HIVEP3: variants seen among roughly 807,000 people sequenced by gnomAD.
HIVEP3 encodes transcription factor HIVEP3.
HIVEP3 carries 49 observed loss-of-function variants against 152.8 expected under a neutral mutation model. The observed-to-expected ratio is 0.32, with a 90% CI of 0.26 to 0.41. HIVEP3 has a LOEUF of 0.41. Ranked by LOEUF, HIVEP3 falls within the 10% of genes least tolerant of loss-of-function variation. The pLI is 1.00. For synonymous variants in HIVEP3, 1,269 were observed against 1,289.0 expected (o/e 0.98, Z 0.33); for missense variants, 2,790 against 3,103.3 (o/e 0.90, Z 2.40).
chr1:41,941,584 G>A (rs1645046390), intron 1 of HIVEP3, among the ~76,000 whole-genome samples: 1 of 152,164 alleles, frequency 6.6e-6, no homozygotes. Context: ...GAGGGTAAGT[G>A]AAATTTGCAG....
At chr1:41,713,071 G>A (rs1188345640) in intron 1 of HIVEP3, among the ~76,000 whole-genome samples, 1 of 152,136 alleles carries the variant, frequency 6.6e-6, no homozygotes, top group Non-Finnish European at 1.5e-5. Flanking sequence ...CTGGATGCTG[G>A]GCCATTCTCA....
chr1:41,712,763 T>C (rs895385725), intron 1 of HIVEP3, among the ~76,000 whole-genome samples: 1 of 152,146 alleles, frequency 6.6e-6, no homozygotes, highest in Admixed American at 6.5e-5. Flanking sequence ...CCTCCCTTCA[T>C]AGACACCGTT....
Position 41,511,185 on chromosome 1 carries a change from C to G in HIVEP3, c.6487G>C (p.Asp2163His). Residue 2163 changes from aspartate to histidine, a missense_variant, in exon 9 of 9, where the codon GAC becomes CAC. Coordinates refer to ENST00000372583, the MANE Select transcript of HIVEP3 (RefSeq NM_024503.5). This position sits in a 1 kb window ranked among gnomAD's most constrained non-coding sequence, Gnocchi z 4.9. ...LSSRPFSALH[D>H]FHGHILARTE... ...CGGGCCAGGATGTGGCCGTGGAAGT[C>G]ATGGAGGGCGGAGAAGGGTCGGGAG... The G allele has an allele frequency of 6.2e-7, 1 of 1,614,116 alleles. No homozygotes were observed. The highest frequency in any genetic ancestry group is 8.5e-7 in the Non-Finnish European group (1 of 1,180,028).
intron 1 of HIVEP3, among the ~76,000 whole-genome samples, chr1:41,721,411 G>T (rs1646672583): frequency 6.6e-6 from 1 of 151,948 alleles, no homozygotes; most frequent in Non-Finnish European, 1.5e-5. Flanking sequence ...TCATCATATT[G>T]GTCAGGCTGG....
intron 3 of HIVEP3, among the ~76,000 whole-genome samples, chr1:41,623,586 C>A (rs986694266): frequency 2.6e-5 from 4 of 152,196 alleles, no homozygotes; most frequent in Non-Finnish European, 5.9e-5. Context: ...CCAGGCCTGG[C>A]TCTCTTCCTT....
intron 1 of HIVEP3, among the ~76,000 whole-genome samples, chr1:41,763,002 T>G (rs1647792399): frequency 6.6e-6 from 1 of 152,084 alleles, no homozygotes; most frequent in Non-Finnish European, 1.5e-5. Flanking sequence ...CCTGCCAAGG[T>G]GACTGGGGAA....
At chr1:41,569,078 T>G (rs1464227608) in intron 5 of HIVEP3, among the ~76,000 whole-genome samples, 1 of 152,190 alleles carries the variant, frequency 6.6e-6, no homozygotes, top group Non-Finnish European at 1.5e-5. Context: ...CCTCCTGCCA[T>G]GATTGAAAGT....
chr1:41,849,017 C>G (rs1643520589), intron 1 of HIVEP3: 1 of 152,252 alleles, frequency 6.6e-6, no homozygotes, highest in Non-Finnish European at 1.5e-5. Flanking sequence ...TCCCATTCTT[C>G]AGGACGTTTG....
At chr1:41,522,259 A>G (rs1441264004) in intron 6 of HIVEP3, among the ~76,000 whole-genome samples, 2 of 152,240 alleles carry the variant, frequency 1.3e-5, no homozygotes, top group African/African-American at 4.8e-5. Flanking sequence ...CAGGAGCTCC[A>G]GCGCCCTGCT....
intron 1 of HIVEP3, among the ~76,000 whole-genome samples, chr1:42,029,585 A>G (rs1451937119): frequency 6.6e-6 from 1 of 152,214 alleles, no homozygotes; most frequent in East Asian, 1.9e-4. Flanking sequence ...TGCCATCTAC[A>G]CCTCTTTGTG....
chr1:41,666,142 T>C (rs1645793389), intron 2 of HIVEP3, among the ~76,000 whole-genome samples: 2 of 151,298 alleles, frequency 1.3e-5, no homozygotes, highest in Admixed American at 1.3e-4. Context: ...TGTGTGTGTG[T>C]ATGTGTGTGT....
intron 1 of HIVEP3, among the ~76,000 whole-genome samples, chr1:41,725,352 C>A (rs761132719): frequency 2.0e-5 from 3 of 152,156 alleles, no homozygotes; most frequent in Non-Finnish European, 2.9e-5. Context: ...TGGTTCCTTA[C>A]AAGGAATAGC....
intron 1 of HIVEP3, among the ~76,000 whole-genome samples, chr1:41,913,735 C>A (rs1193342772): frequency 1.3e-5 from 2 of 152,148 alleles, no homozygotes; most frequent in Non-Finnish European, 2.9e-5. Flanking sequence ...TAATGCTAAG[C>A]CTGGAAGTCC....
intron 1 of HIVEP3, among the ~76,000 whole-genome samples, chr1:41,735,443 T>C (rs1646902583): frequency 6.6e-6 from 1 of 152,136 alleles, no homozygotes; most frequent in Non-Finnish European, 1.5e-5. Context: ...CCCTTGTCTG[T>C]GGGGAAAATG....
At chr1:41,575,074 T>C (rs1018665407) in intron 5 of HIVEP3, among the ~76,000 whole-genome samples, 1 of 152,080 alleles carries the variant, frequency 6.6e-6, no homozygotes, top group African/African-American at 2.4e-5. Flanking sequence ...GTGCATACAG[T>C]GTGCAGTCAG....
chr1:41,863,385 C>G (rs1643913369), intron 1 of HIVEP3, among the ~76,000 whole-genome samples: 1 of 152,156 alleles, frequency 6.6e-6, no homozygotes, highest in African/African-American at 2.4e-5. Flanking sequence ...TTTCTAGTTT[C>G]CTAGACAACC....
At chr1:41,912,338 A>G (rs1644809772) in intron 1 of HIVEP3, among the ~76,000 whole-genome samples, 1 of 152,230 alleles carries the variant, frequency 6.6e-6, no homozygotes, top group African/African-American at 2.4e-5. Flanking sequence ...ATTCGTTTGC[A>G]TCTAGGGGCT....
chr1:41,797,654 G>A (rs1451467116), intron 1 of HIVEP3, among the ~76,000 whole-genome samples: 1 of 152,174 alleles, frequency 6.6e-6, no homozygotes, highest in African/African-American at 2.4e-5. Context: ...AGGGAACTGA[G>A]GGCTTCTCAT....
intron 1 of HIVEP3, among the ~76,000 whole-genome samples, chr1:41,753,609 A>C (rs1647202240): frequency 6.6e-6 from 1 of 152,088 alleles, no homozygotes; most frequent in Non-Finnish European, 1.5e-5. Context: ...CGGAGGTTGC[A>C]GTGAGCCGAG....
Sources: allele counts gnomAD v4.1 joint callset (sites outside exome capture counted in the v4.1 genomes callset), GRCh38; gene constraint gnomAD v4.1.1; non-coding constraint Gnocchi (gnomAD v3.1); transcripts MANE v1.5; gene names NCBI Gene and HGNC (gene_info 2026-07-23, HGNC 2026-07-21).